Variants in ASIP observed in about 807,000 individuals in gnomAD.
ASIP encodes agouti signaling protein, also known as agouti-signaling protein.
ASIP carries 11 observed loss-of-function variants against 10.3 expected under a neutral mutation model. That is an observed-to-expected ratio of 1.07 (90% CI 0.68 to 1.78). The LOEUF is 1.78. Ranked by LOEUF, ASIP falls within the 40% of genes most tolerant of loss-of-function variation. The pLI is 0.00. For missense variants in ASIP, 180 were observed against 169.2 expected, an observed-to-expected ratio of 1.06 and a Z score of -0.35; for synonymous variants, 70 against 70.8, an observed-to-expected ratio of 0.99 and a Z score of 0.06.
chr20:34,231,445 A>C (rs2035121346), intron 1 of ASIP, among the ~76,000 whole-genome samples: 1 of 152,274 alleles, frequency 6.6e-6, no homozygotes, highest in Non-Finnish European at 1.5e-5. Context: ...AAAACATAGA[A>C]GAAATCTTTT....
upstream of ASIP, chr20:34,194,531 A>G (rs1457421063): frequency 1.3e-5 from 2 of 151,544 alleles, no homozygotes; most frequent in African/African-American, 4.8e-5. Context: ...AAAGGAAAAA[A>G]AAAAAAAAGA....
At chr20:34,202,769 C>T (rs2122539225) in intron 1 of ASIP, among the ~76,000 whole-genome samples, 1 of 148,618 alleles carries the variant, frequency 6.7e-6, no homozygotes, top group East Asian at 2.0e-4. Flanking sequence ...TCCTTCATGC[C>T]TCTCATCTTC....
chr20:34,243,355 C>G (rs74911263), intron 1 of ASIP, among the ~76,000 whole-genome samples: 6 of 152,280 alleles, frequency 3.9e-5, no homozygotes, highest in African/African-American at 1.4e-4. Flanking sequence ...ATCTGTTAGG[C>G]ATAACAATTA....
At chr20:34,251,778 T>C (rs1331666187) in intron 1 of ASIP, among the ~76,000 whole-genome samples, 1 of 152,174 alleles carries the variant, frequency 6.6e-6, no homozygotes, top group Non-Finnish European at 1.5e-5. Flanking sequence ...ATGAGACTAG[T>C]GCCTTTACAA....
rs897422929 is a variant in ASIP, at chr20:34,213,588, C to T, written c.-11+18828C>T. 3.9e-6 allele frequency: 6 copies of T among 1,555,538 alleles called. No individual in the cohort carries two copies. In the South Asian group the frequency reaches 4.7e-5, roughly 12 times the overall value. ...GGGGCATGAACATCTGTTGTAAAAA[C>T]GGGGATACTTGTACCTTGAATTTGG... On this transcript the variant is annotated intron_variant, in intron 1 of 3. Coordinates refer to the ASIP transcript ENST00000568305.
chr20:34,268,116 T>C (rs915731792), intron 3 of ASIP, among the ~76,000 whole-genome samples: 1 of 152,192 alleles, frequency 6.6e-6, no homozygotes, highest in Non-Finnish European at 1.5e-5. Flanking sequence ...TTAAATTAAT[T>C]AAAATTAAAT....
chr20:34,219,085 A>G (rs6059729), intron 1 of ASIP, among the ~76,000 whole-genome samples: 42,832 of 152,074 alleles, frequency 0.28, 11,008 homozygotes, highest in African/African-American at 0.69. Context: ...TTCCAAACAC[A>G]TACACATTAC....
chr20:34,247,629 G>A (rs1212119265), intron 1 of ASIP, among the ~76,000 whole-genome samples: 1 of 150,990 alleles, frequency 6.6e-6, no homozygotes, highest in Non-Finnish European at 1.5e-5. Flanking sequence ...TTTTTTTTGA[G>A]ACATGGTCTC....
In ASIP at chr20:34,269,266, CGGGCGGAGGTTCCA is replaced by C; in HGVS notation, c.*102_*115del. On this transcript the variant is annotated 3_prime_UTR_variant, in exon 4 of 4. Transcript: ENST00000374954. Reference sequence around the variant, plus strand: ...CAGGGCGGCTTCCCAGGGCTGCAGGCGGGCGGAGGTTCCAGGAGATGGGACTTCAGGGAGACCTG... The same window carrying C: ...CAGGGCGGCTTCCCAGGGCTGCAGGCGGAGATGGGACTTCAGGGAGACCTG... 1 of 1,378,426 alleles carries C rather than the reference CGGGCGGAGGTTCCA, an allele frequency of 7.3e-7. No individual in the cohort carries two copies. The highest frequency in any genetic ancestry group is 9.4e-7 in the Non-Finnish European group (1 of 1,058,286). 85.4% of individuals were successfully genotyped at this position (1,378,426 alleles called of 1,614,324 possible).
intron 1 of ASIP, among the ~76,000 whole-genome samples, chr20:34,257,221 T>C (rs1368787014): frequency 6.6e-6 from 1 of 151,900 alleles, no homozygotes; most frequent in Admixed American, 6.6e-5. Flanking sequence ...GTAGGTGGAT[T>C]TATAGGCATC....
At chr20:34,216,928 G>A (rs2035012677) in intron 1 of ASIP, among the ~76,000 whole-genome samples, 1 of 152,068 alleles carries the variant, frequency 6.6e-6, no homozygotes, top group Non-Finnish European at 1.5e-5. Context: ...CTTCAAAAAA[G>A]CCTGTGGAGC....
intron 1 of ASIP, among the ~76,000 whole-genome samples, chr20:34,235,648 G>C (rs2035171278): frequency 6.6e-6 from 1 of 151,736 alleles, no homozygotes; most frequent in Non-Finnish European, 1.5e-5. Context: ...GCTGGGCATG[G>C]TAGCGCATGC....
chr20:34,196,987 C>CT (rs74271768), intron 1 of ASIP, among the ~76,000 whole-genome samples: 415 of 135,556 alleles, frequency 3.1e-3, no homozygotes, highest in African/African-American at 4.7e-3. Context: ...CTTAAACATT[C>CT]TTTTTTTTTT....
chr20:34,216,742 G>T (rs989397185), intron 1 of ASIP, among the ~76,000 whole-genome samples: 1 of 152,138 alleles, frequency 6.6e-6, no homozygotes, highest in African/African-American at 2.4e-5. Context: ...TATATGTATA[G>T]ATCTATTTTT....
At chr20:34,201,056 CTTTCTTTTT>C (rs2034896214) in intron 1 of ASIP, among the ~76,000 whole-genome samples, 1 of 94,388 alleles carries the variant, frequency 1.1e-5, no homozygotes, top group African/African-American at 3.9e-5. Context: ...TTCTTTCTTT[CTTTCTTTTT>C]TTTCCTCCAG....
chr20:34,234,655 C>T (rs1021068989), intron 1 of ASIP, among the ~76,000 whole-genome samples: 5 of 151,672 alleles, frequency 3.3e-5, no homozygotes, highest in Admixed American at 6.6e-5. Flanking sequence ...TACAAAAATT[C>T]GCCGGGCGTG....
At chr20:34,216,527 C>T (rs1421720377) in intron 1 of ASIP, among the ~76,000 whole-genome samples, 1 of 152,192 alleles carries the variant, frequency 6.6e-6, no homozygotes, top group Admixed American at 6.5e-5. Context: ...TCCATAGTCA[C>T]AAAGATATAC....
chr20:34,269,017 G>GCCC lies in ASIP; in HGVS notation c.250_251insCCC (p.Val83_Arg84insPro). ...AGGAGGCTTCGATGAAGAAAGTGGT[G>GCCC]CGGCCCCGGACCCCCCTATCTGCGC... On this transcript the variant is annotated inframe_insertion, in exon 4 of 4. Transcript: ENST00000374954. 6.2e-7 allele frequency: 1 copy of GCCC among 1,608,114 alleles called. No individual in the cohort carries two copies. The highest frequency in any genetic ancestry group is 1.1e-5 in the South Asian group (1 of 89,994).
chr20:34,215,725 G>A (rs1236010802), intron 1 of ASIP: 8 of 1,451,052 alleles, frequency 5.5e-6, no homozygotes, highest in Non-Finnish European at 7.7e-6. Context: ...GTACTTGAAA[G>A]CAGAAAAACT....
Sources: allele counts gnomAD v4.1 joint callset (sites outside exome capture counted in the v4.1 genomes callset), GRCh38; gene constraint gnomAD v4.1.1; transcripts MANE v1.5; gene names NCBI Gene and HGNC (gene_info 2026-07-23, HGNC 2026-07-21).